Variants in OGFRL1 observed in about 807,000 individuals in gnomAD.
OGFRL1 encodes the protein opioid growth factor receptor like 1, also known as opioid growth factor receptor-like protein 1.
A neutral mutation model predicts 32.4 loss-of-function variants in OGFRL1; 26 were observed. The ratio of observed to expected loss-of-function variants is 0.80; its 90% CI spans 0.59 to 1.11. The LOEUF (loss-of-function observed/expected upper bound fraction) is 1.11. Among genes scored for constraint, OGFRL1 ranks in the 50% most tolerant of loss-of-function variants. OGFRL1 has a pLI of 0.00. For missense variants in OGFRL1, 521 were observed against 546.4 expected (o/e 0.95, Z 0.46); for synonymous variants, 211 against 201.2 (o/e 1.05, Z -0.41).
chr6:71,293,340 T>C lies in OGFRL1; in HGVS notation c.282T>C (p.Tyr94=), dbSNP rs776864339. 2 of 1,613,806 alleles carry C rather than the reference T, an allele frequency of 1.2e-6. No individual in the cohort carries two copies. The highest frequency in any genetic ancestry group is 1.7e-6 in the Non-Finnish European group (2 of 1,179,874). The change falls in exon 2 of 7, where the codon TAT becomes TAC. Residue 94 remains tyrosine (Y), a synonymous_variant. Coordinates refer to ENST00000370435, the MANE Select transcript of OGFRL1 (RefSeq NM_024576.5). ...EATAKPKRSF[Y]AARDLYKYRH... Reference sequence around the variant, plus strand: ...CTGCCAAACCAAAGAGAAGTTTTTATGCTGCCAGGGATTTGTACAAGTACC... The same window carrying C: ...CTGCCAAACCAAAGAGAAGTTTTTACGCTGCCAGGGATTTGTACAAGTACC...
intron 6 of OGFRL1, among the ~76,000 whole-genome samples, chr6:71,297,452 G>C (rs1159561163): frequency 1.3e-5 from 2 of 151,936 alleles, no homozygotes; most frequent in Non-Finnish European, 2.9e-5. Flanking sequence ...TATAACTTTT[G>C]TTAATACTCA....
Position 71,304,421 on chromosome 6 carries a change from TC to T in OGFRL1, c.*2373del, listed in dbSNP as rs1387726453. The T allele has an allele frequency of 6.6e-6, 1 of 152,144 alleles. No individual in the cohort carries two copies. Among genetic ancestry groups the T allele is most frequent in the African/African-American group, 2.4e-5 (1 of 41,450 alleles). The allele number at this position is 152,144 out of a possible 1,614,324, so 9.4% of individuals were successfully genotyped here. A position where few individuals can be genotyped will look rare whatever the true frequency, so the allele number is the denominator to read the frequency against. ...GGGTTTAGAGGATGAGAAGCGATTG[TC>T]AAATTAGGCTGAATTGTAGAACACA... On this transcript the variant is annotated 3_prime_UTR_variant, in exon 7 of 7. Transcript: ENST00000370435.
intron 6 of OGFRL1, among the ~76,000 whole-genome samples, chr6:71,300,260 T>C (rs943870206): frequency 6.6e-6 from 1 of 152,236 alleles, no homozygotes; most frequent in Non-Finnish European, 1.5e-5. Flanking sequence ...CTATGATTAA[T>C]ACATGTGGCT....
intron 1 of OGFRL1, chr6:71,289,584 C>T (rs1365028536): frequency 6.2e-5 from 36 of 579,762 alleles, no homozygotes; most frequent in Non-Finnish European, 7.4e-5. Flanking sequence ...AAAAAAATTA[C>T]TCAGAATAAG....
Position 71,289,016 on chromosome 6 carries a change from C to A in OGFRL1, c.80C>A (p.Ser27Ter), listed in dbSNP as rs867388532. 7.3e-7 allele frequency: 1 copy of A among 1,365,082 alleles called. No individual in the cohort carries two copies. The highest frequency in any genetic ancestry group is 3.6e-5 in the East Asian group (1 of 27,840). 84.6% of individuals were successfully genotyped at this position (1,365,082 alleles called of 1,614,324 possible). Reference protein sequence around the residue: ...EDCDSTWQTDSEPEPEEPGPG... With the variant: ...EDCDSTWQTD Reference sequence around the variant, plus strand: ...TGCGACTCCACCTGGCAGACCGACTCGGAGCCCGAGCCCGAAGAACCAGGG... The same window carrying A: ...TGCGACTCCACCTGGCAGACCGACTAGGAGCCCGAGCCCGAAGAACCAGGG... The change falls in exon 1 of 7, where the codon TCG (serine) becomes TAG (stop). Residue 27 changes from serine to a stop codon, truncating the protein, a stop_gained. Transcript: ENST00000370435. LOFTEE classifies it high-confidence loss of function.
intron 6 of OGFRL1, 77 bp downstream of exon 6, chr6:71,296,894 G>A: frequency 6.7e-7 from 1 of 1,502,486 alleles, no homozygotes. Flanking sequence ...TGAAACGCAG[G>A]AACAACTAGC....
In OGFRL1 at chr6:71,293,323, C is replaced by T; in HGVS notation, c.265C>T (p.Pro89Ser). The change falls in exon 2 of 7, where the codon CCA becomes TCA. Residue 89 changes from proline to serine, a missense_variant. Coordinates refer to ENST00000370435, the MANE Select transcript of OGFRL1 (RefSeq NM_024576.5). ...GGDSTEATAK[P>S]KRSFYAARDL... ...TGATTCCACTGAAGCAACTGCCAAA[C>T]CAAAGAGAAGTTTTTATGCTGCCAG... 6.2e-7 allele frequency: 1 copy of T among 1,613,748 alleles called. No homozygotes were observed. The highest frequency in any genetic ancestry group is 1.3e-5 in the African/African-American group (1 of 75,000).
intron 2 of OGFRL1, 48 bp downstream of exon 2, chr6:71,293,427 T>G: frequency 6.3e-7 from 1 of 1,594,154 alleles, no homozygotes; most frequent in Non-Finnish European, 8.6e-7. Flanking sequence ...ATTTTCCTTC[T>G]GTTTTTAAAT....
Position 71,303,027 on chromosome 6 carries a change from A to G in OGFRL1, c.*978A>G, listed in dbSNP as rs1211593771. On this transcript the variant is annotated 3_prime_UTR_variant, in exon 7 of 7. Transcript: ENST00000370435. The stretch of plus-strand genomic sequence containing the variant: ...GTGTTTCTAGTGTAGTTGGCCCTCC[A>G]TATTCAGGGGTCCAGCATCTGTGGA... The G allele has an allele frequency of 1.3e-5, 2 of 152,118 alleles. No individual in the cohort carries two copies. Among genetic ancestry groups the G allele is most frequent in the Admixed American group, 6.5e-5 (1 of 15,276 alleles). 9.4% of individuals were successfully genotyped at this position (152,118 alleles called of 1,614,324 possible). A position where few individuals can be genotyped will look rare whatever the true frequency, so the allele number is the denominator to read the frequency against.
rs1766594412 is a variant in OGFRL1, at chr6:71,307,654, GT to G, written c.*5608del. ...TCTCTAAAAATATTTAAGCTTTAGG[GT>G]TTGTCATAGTTTTACTTTTTAAATT... On this transcript the variant is annotated 3_prime_UTR_variant, in exon 7 of 7. Transcript: ENST00000370435. The G allele has an allele frequency of 6.6e-6, 1 of 151,954 alleles. No individual in the cohort carries two copies. Among genetic ancestry groups the G allele is most frequent in the African/African-American group, 2.4e-5 (1 of 41,384 alleles). 9.4% of individuals were successfully genotyped at this position (151,954 alleles called of 1,614,324 possible). A position where few individuals can be genotyped will look rare whatever the true frequency, so the allele number is the denominator to read the frequency against.
In OGFRL1 at chr6:71,302,011, G is replaced by T; in HGVS notation, c.1318G>T (p.Gly440Ter). Reference sequence around the variant, plus strand: ...TGATAACCAAGACAATGAAAATCCTGGAAATACAAATTGCCATGATGTTGT... The same window carrying T: ...TGATAACCAAGACAATGAAAATCCTTGAAATACAAATTGCCATGATGTTGT... Reference protein sequence around the residue: ...GNDNQDNENPGNTNCHDVVLV... With the variant: ...GNDNQDNENP Residue 440 changes from glycine to a stop codon, truncating the protein, a stop_gained, in exon 7 of 7, where the codon GGA (glycine) becomes TGA (stop). Coordinates refer to ENST00000370435, the MANE Select transcript of OGFRL1 (RefSeq NM_024576.5). LOFTEE classifies it low-confidence loss of function (END_TRUNC). 1 of 1,593,238 alleles carries T rather than the reference G, an allele frequency of 6.3e-7. No individual in the cohort carries two copies. The highest frequency in any genetic ancestry group is 8.5e-7 in the Non-Finnish European group (1 of 1,173,282).
chr6:71,290,236 G>C (rs1017802009), intron 1 of OGFRL1, among the ~76,000 whole-genome samples: 3 of 152,198 alleles, frequency 2.0e-5, no homozygotes, highest in Admixed American at 6.5e-5. Flanking sequence ...ACTTGCCCAA[G>C]ATCACTGAGG....
At chr6:71,289,364 G>T in intron 1 of OGFRL1, 194 bp downstream of exon 1, 2 of 984,174 alleles carry the variant, frequency 2.0e-6, no homozygotes, top group Non-Finnish European at 2.4e-6. Context: ...CAAAGCGCCG[G>T]ACCCTCCCAC....
chr6:71,303,393 T>A lies in OGFRL1; in HGVS notation c.*1344T>A, dbSNP rs1766458426. The A allele has an allele frequency of 6.6e-6, 1 of 152,162 alleles. No homozygotes were observed. Among genetic ancestry groups the A allele is most frequent in the Non-Finnish European group, 1.5e-5 (1 of 68,012 alleles). The allele number at this position is 152,162 out of a possible 1,614,324, so 9.4% of individuals were successfully genotyped here. On this transcript the variant is annotated 3_prime_UTR_variant, in exon 7 of 7. Coordinates refer to ENST00000370435, the MANE Select transcript of OGFRL1 (RefSeq NM_024576.5). ...ACTTCTAATTGTATGACTTCAAGAT[T>A]TTGCTTTGTTTAAATTAATAACTGT...
chr6:71,293,335 T>G lies in OGFRL1; in HGVS notation c.277T>G (p.Phe93Val). The change falls in exon 2 of 7, where the codon TTT (phenylalanine) becomes GTT (valine). Residue 93 changes from phenylalanine (F) to valine (V), a missense_variant. Transcript: ENST00000370435. ...AGCAACTGCCAAACCAAAGAGAAGT[T>G]TTTATGCTGCCAGGGATTTGTACAA... is the stretch of plus-strand genomic sequence containing the variant. ...TEATAKPKRSFYAARDLYKYR... is the reference protein window; with the variant it reads ...TEATAKPKRSVYAARDLYKYR... 1 of 1,613,890 alleles carries G rather than the reference T, an allele frequency of 6.2e-7. No individual in the cohort carries two copies. The highest frequency in any genetic ancestry group is 8.5e-7 in the Non-Finnish European group (1 of 1,179,844).
rs578020573 is a variant in OGFRL1, at chr6:71,308,159, T to G, written c.*6110T>G. ...TTCCTTTGCCTGTGTGTAGCAACAG[T>G]TGGTAGTTTTACAAGTTAAGTTGAT... On this transcript the variant is annotated 3_prime_UTR_variant, in exon 7 of 7. Coordinates refer to ENST00000370435, the MANE Select transcript of OGFRL1 (RefSeq NM_024576.5). 6 of 152,282 alleles carry G rather than the reference T, an allele frequency of 3.9e-5. No homozygotes were observed. The highest frequency in any genetic ancestry group is 1.4e-4 in the African/African-American group (6 of 41,560). The allele number at this position is 152,282 out of a possible 1,614,324, so 9.4% of individuals were successfully genotyped here.
Position 71,296,300 on chromosome 6 carries a change from A to C in OGFRL1, c.401-17A>C. 1 of 1,506,840 alleles carries C rather than the reference A, an allele frequency of 6.6e-7. No homozygotes were observed. 93.3% of individuals were successfully genotyped at this position (1,506,840 alleles called of 1,614,324 possible). ...TGTTTGAAATGTCTGGTTCATTTTTAAATATTTACTATTTAGGTGTTTACA... is the reference window on the plus strand; with the variant it reads ...TGTTTGAAATGTCTGGTTCATTTTTCAATATTTACTATTTAGGTGTTTACA... On this transcript the variant is annotated splice_polypyrimidine_tract_variant and intron_variant, in intron 3 of 6. Transcript: ENST00000370435.
At chr6:71,293,207 TG>T (rs1766099457) in intron 1 of OGFRL1, 85 bp from the exon 2 acceptor site, 1 of 1,075,756 alleles carries the variant, frequency 9.3e-7, no homozygotes, top group Admixed American at 2.0e-5. Flanking sequence ...GCTTTCTTTA[TG>T]GATCTTCCTT....
chr6:71,301,640 G>T lies in OGFRL1; in HGVS notation c.947G>T (p.Arg316Leu). Residue 316 changes from arginine to leucine, a missense_variant, in exon 7 of 7, where the codon CGA becomes CTA. Coordinates refer to ENST00000370435, the MANE Select transcript of OGFRL1 (RefSeq NM_024576.5). Reference protein sequence around the residue: ...PSENFIWGPPRKEQSEGSKAQ... With the variant: ...PSENFIWGPPLKEQSEGSKAQ... ...GAGAACTTTATCTGGGGACCGCCTC[G>T]AAAAGAACAGTCGGAGGGAAGCAAA... The T allele has an allele frequency of 6.2e-7, 1 of 1,614,092 alleles. No homozygotes were observed. The highest frequency in any genetic ancestry group is 8.5e-7 in the Non-Finnish European group (1 of 1,180,018).
Sources: gnomAD v4.1 joint callset for allele counts (sites outside exome capture counted in the v4.1 genomes callset) on GRCh38, gnomAD v4.1.1 for gene constraint, MANE v1.5 for transcripts, NCBI Gene and HGNC (gene_info 2026-07-23, HGNC 2026-07-21) for gene names.